The following IWS1 variants were observed in gnomAD, a reference collection of about 807,000 sequenced individuals.
IWS1 encodes the protein protein IWS1 homolog.
A neutral mutation model predicts 86.7 loss-of-function variants in IWS1; 27 were observed. The observed-to-expected ratio is 0.31, with a 90% CI of 0.23 to 0.43. IWS1 has a LOEUF of 0.43. Ranked by LOEUF, IWS1 falls within the 20% of genes least tolerant of loss-of-function variation. IWS1 has a pLI of 1.00. For synonymous variants in IWS1, 313 were observed against 335.1 expected, an observed-to-expected ratio of 0.93 and a Z score of 0.72; for missense variants, 827 against 1,000.8, an observed-to-expected ratio of 0.83 and a Z score of 2.34.
rs72838656 is a variant in IWS1 at position 127,521,330 on chromosome 2, G to A, written c.150+2346C>T. ...AAAATATATAGACGTCATATACCTGGGACAGAATGAAACTGCAGGATAAAT... is the reference window on the plus strand; with the variant it reads ...AAAATATATAGACGTCATATACCTGAGACAGAATGAAACTGCAGGATAAAT... On this transcript the variant is annotated intron_variant, in intron 2 of 13. Transcript: ENST00000295321. 5.9e-3 allele frequency among the ~76,000 whole-genome samples: 892 copies of A among 152,150 alleles called. 6 individuals are homozygous for A. Among genetic ancestry groups the A allele is most frequent in the Non-Finnish European group, 7.7e-3 (523 of 68,006 alleles).
intron 2 of IWS1, among the ~76,000 whole-genome samples, chr2:127,513,363 G>A (rs1691576782): frequency 6.6e-6 from 1 of 152,186 alleles, no homozygotes; most frequent in African/African-American, 2.4e-5. Flanking sequence ...CGGGGTAATT[G>A]GGAATACAAA....
chr2:127,506,632 C>T (rs1026190096), intron 2 of IWS1: 1 of 166,218 alleles, frequency 6.0e-6, no homozygotes, highest in African/African-American at 2.4e-5. Flanking sequence ...CAGGCTCTCT[C>T]CTGTTAGTTC....
rs1031904167 is a variant in IWS1 at position 127,510,521 on chromosome 2, ATCAC to A, written c.151-4773_151-4770del. Among the ~76,000 whole-genome samples, 14 of 152,288 alleles carry A rather than the reference ATCAC, an allele frequency of 9.2e-5. No individual in the cohort carries two copies. The East Asian group carries it at 1.7e-3, about 19-fold the overall frequency. On this transcript the variant is annotated intron_variant, in intron 2 of 13. Transcript: ENST00000295321. ...TTGTTTTGTCTTTTTGAGACAAGGT[ATCAC>A]TCTGTCACCCAGGCTGAAGTGCAGT...
intron 2 of IWS1, among the ~76,000 whole-genome samples, chr2:127,509,502 A>AT (rs776299298): frequency 1.3e-5 from 2 of 151,950 alleles, no homozygotes; most frequent in African/African-American, 4.8e-5. Context: ...AGGTCAGGAG[A>AT]TTGAGACCAT....
chr2:127,502,472 T>G (rs1454042788), intron 5 of IWS1: 9 of 176,046 alleles, frequency 5.1e-5, no homozygotes, highest in Non-Finnish European at 1.1e-4. Flanking sequence ...CTAGCTTTTC[T>G]AGTTGTGCTT....
intron 6 of IWS1, among the ~76,000 whole-genome samples, 180 bp downstream of exon 6, chr2:127,497,960 A>G (rs1690600811): frequency 6.6e-6 from 1 of 152,250 alleles, no homozygotes; most frequent in Admixed American, 6.5e-5. Flanking sequence ...AGCACAGGGT[A>G]AATGAAAGAC....
intron 9 of IWS1, 48 bp downstream of exon 9, chr2:127,493,233 A>G (rs758779434): frequency 1.3e-6 from 2 of 1,560,030 alleles, no homozygotes; most frequent in Non-Finnish European, 1.7e-6. Flanking sequence ...GACCATACAG[A>G]CCACATTAGA....
chr2:127,493,443 A>C (rs750937851), intron 8 of IWS1, 33 bp from the exon 9 acceptor site: 1 of 1,573,794 alleles, frequency 6.4e-7, no homozygotes, highest in South Asian at 1.2e-5. Context: ...AAATTCTGTG[A>C]ACCTTGGTTC....
At chr2:127,491,380 C>A (rs1010610479) in intron 10 of IWS1, among the ~76,000 whole-genome samples, 1 of 152,144 alleles carries the variant, frequency 6.6e-6, no homozygotes, top group Non-Finnish European at 1.5e-5. Flanking sequence ...CCATGGCCTG[C>A]AATCTAACCC....
intron 2 of IWS1, chr2:127,514,271 T>C (rs1459895941): frequency 1.3e-5 from 2 of 154,356 alleles, no homozygotes; most frequent in Non-Finnish European, 2.9e-5. Context: ...CCTACCCTGC[T>C]CACTCTCGGT....
intron 2 of IWS1, among the ~76,000 whole-genome samples, chr2:127,511,648 T>TA (rs1459797621): frequency 6.6e-6 from 1 of 152,144 alleles, no homozygotes; most frequent in East Asian, 1.9e-4. Context: ...GGCTATTCTG[T>TA]AAAAATGTAT....
At chr2:127,483,550 T>G (rs1689746668) in intron 13 of IWS1, among the ~76,000 whole-genome samples, 1 of 121,360 alleles carries the variant, frequency 8.2e-6, no homozygotes, top group African/African-American at 3.1e-5. Context: ...TGAAGGAAAA[T>G]AACCAAAATT....
At chr2:127,497,392 T>C (rs1167828998) in intron 6 of IWS1, among the ~76,000 whole-genome samples, 1 of 152,080 alleles carries the variant, frequency 6.6e-6, no homozygotes, top group Non-Finnish European at 1.5e-5. Context: ...ATAGCATGAG[T>C]AGAAAAAATG....
chr2:127,493,256 A>T, intron 9 of IWS1, 25 bp downstream of exon 9: 1 of 1,597,068 alleles, frequency 6.3e-7, no homozygotes, highest in Non-Finnish European at 8.5e-7. Flanking sequence ...ATTAATAAAG[A>T]ACAGTCAGAT....
chr2:127,519,346 T>G (rs1038474861), intron 2 of IWS1, among the ~76,000 whole-genome samples: 2 of 83,974 alleles, frequency 2.4e-5, no homozygotes, highest in African/African-American at 1.1e-4. Flanking sequence ...ACAATTACTT[T>G]AAGAAAAAAT....
chr2:127,516,190 A>G (rs1350375390), intron 2 of IWS1, among the ~76,000 whole-genome samples: 1 of 152,100 alleles, frequency 6.6e-6, no homozygotes, highest in South Asian at 2.1e-4. Context: ...GCAAAACTCC[A>G]TGTCTACAAC....
chr2:127,480,945 A>G lies in IWS1; in HGVS notation c.*99T>C. ...GACAACATCTGATACACGCTGAACC[A>G]TTTACAGACACACTAAAAATGTTTT... On this transcript the variant is annotated 3_prime_UTR_variant, in exon 14 of 14. Transcript: ENST00000295321. 1.5e-6 allele frequency: 2 copies of G among 1,349,800 alleles called. No individual in the cohort carries two copies. Among genetic ancestry groups the G allele is most frequent in the Non-Finnish European group, 2.0e-6 (2 of 985,696 alleles). The allele number at this position is 1,349,800 out of a possible 1,614,324, so 83.6% of individuals were successfully genotyped here.
rs1293279178 is a variant in IWS1 at position 127,521,050 on chromosome 2, G to A, written c.150+2626C>T. Among the ~76,000 whole-genome samples, 3 of 152,220 alleles carry A rather than the reference G, an allele frequency of 2.0e-5. No homozygotes were observed. In the East Asian group the frequency reaches 5.8e-4, roughly 29 times the overall value. On this transcript the variant is annotated intron_variant, in intron 2 of 13. Transcript: ENST00000295321. ...CAAGGCCGGTGGATTACAAGGTCAGGAGTTTGAGACCAGCCTGGCCAACAT... is the reference window on the plus strand; with the variant it reads ...CAAGGCCGGTGGATTACAAGGTCAGAAGTTTGAGACCAGCCTGGCCAACAT...
At position 127,505,427 on chromosome 2, in the gene IWS1, G is replaced by A. The variant is rs1315853780; in HGVS notation, c.476C>T (p.Ser159Phe). The change falls in exon 3 of 14, where the codon TCT becomes TTT. Residue 159 changes from serine to phenylalanine, a missense_variant. Physicochemically the swap from Ser to Phe is radical, Grantham distance 155. Coordinates refer to ENST00000295321, the MANE Select transcript of IWS1 (RefSeq NM_017969.3). The surrounding 1 kb of genome is among the most constrained non-coding windows in gnomAD (Gnocchi z 5.0). ...ACTCTTCTGGAGCTCCTCAATCTCA[G>A]AATCACTGGCGGGATGCTTCCCAAC... ...EDVGKHPASD[S>F]EIEELQKSPA... The A allele has an allele frequency of 5.6e-6, 9 of 1,614,134 alleles. No homozygotes were observed. Among genetic ancestry groups the A allele is most frequent in the Non-Finnish European group, 5.9e-6 (7 of 1,180,028 alleles).
Sources: allele counts gnomAD v4.1 joint callset (sites outside exome capture counted in the v4.1 genomes callset), GRCh38; gene constraint gnomAD v4.1.1; non-coding constraint Gnocchi (gnomAD v3.1); transcripts MANE v1.5; gene names NCBI Gene and HGNC (gene_info 2026-07-23, HGNC 2026-07-21).